PCDHA8: variants seen among roughly 807,000 people sequenced by gnomAD.
PCDHA8 encodes protocadherin alpha 8, also known as protocadherin alpha-8.
In PCDHA8, 53 loss-of-function variants were observed where a neutral mutation model predicts 61.8. The ratio of observed to expected loss-of-function variants is 0.86; its 90% CI spans 0.69 to 1.08. The LOEUF (loss-of-function observed/expected upper bound fraction) is 1.08. Among genes scored for constraint, PCDHA8 ranks in the 50% least tolerant of loss-of-function variants. The pLI is 0.00. For synonymous variants in PCDHA8, 618 were observed against 556.6 expected, an observed-to-expected ratio of 1.11 and a Z score of -1.55; for missense variants, 1,293 against 1,245.0, an observed-to-expected ratio of 1.04 and a Z score of -0.58.
chr5:140,927,277 G>T, intron 1 of PCDHA8: 1 of 1,614,016 alleles, frequency 6.2e-7, no homozygotes, highest in Non-Finnish European at 8.5e-7. Context: ...TGCCGGCGAC[G>T]TGCAGCTGCA....
intron 1 of PCDHA8, among the ~76,000 whole-genome samples, chr5:140,958,752 T>A (rs1423879082): frequency 6.6e-6 from 1 of 152,166 alleles, no homozygotes; most frequent in Non-Finnish European, 1.5e-5. Context: ...AAAGGAGATT[T>A]TTACCCATTT....
At position 140,886,151 on chromosome 5, in the gene PCDHA8, T is replaced by G. The variant is rs184205776; in HGVS notation, c.2394+42436T>G. Reference sequence around the variant, plus strand: ...ACAACCAGATTCTTGATATCACCTTTTTATAGCCACATCTGCTTCCCTGCC... The same window carrying G: ...ACAACCAGATTCTTGATATCACCTTGTTATAGCCACATCTGCTTCCCTGCC... On this transcript the variant is annotated intron_variant, in intron 1 of 3. Coordinates refer to ENST00000531613, the MANE Select transcript of PCDHA8 (RefSeq NM_018911.3). Among the ~76,000 whole-genome samples, 468 of 152,312 alleles carry G rather than the reference T, an allele frequency of 3.1e-3. 3 individuals are homozygous for G. Among genetic ancestry groups the G allele is most frequent in the Middle Eastern group, 0.014 (4 of 294 alleles).
intron 3 of PCDHA8, among the ~76,000 whole-genome samples, chr5:140,988,042 T>C (rs1365233473): frequency 1.3e-5 from 2 of 152,212 alleles, no homozygotes. Context: ...AGAATCTGTT[T>C]AGGAGCACTG....
chr5:140,852,885 ATTT>A, intron 1 of PCDHA8: 4 of 778,030 alleles, frequency 5.1e-6, no homozygotes, highest in Non-Finnish European at 6.3e-6. Flanking sequence ...CATAAAACGT[ATTT>A]TTTTTTTTGA....
chr5:140,927,995 AC>A, intron 1 of PCDHA8: 5 of 1,614,042 alleles, frequency 3.1e-6, no homozygotes, highest in Non-Finnish European at 4.2e-6. Flanking sequence ...AAGGATGAAG[AC>A]CTCGATTCTA....
At chr5:140,871,305 G>T in intron 1 of PCDHA8, 14 of 1,613,992 alleles carry the variant, frequency 8.7e-6, no homozygotes, top group Non-Finnish European at 1.1e-5. Context: ...GCGCGCCGGG[G>T]AAGCCCACGC....
intron 1 of PCDHA8, among the ~76,000 whole-genome samples, chr5:140,952,668 T>C (rs960968372): frequency 6.6e-6 from 1 of 152,234 alleles, no homozygotes. Context: ...CAAAGTCACT[T>C]TCACATTTTC....
chr5:140,871,688 G>C lies in PCDHA8; in HGVS notation c.2394+27973G>C, dbSNP rs868933304. On this transcript the variant is annotated intron_variant, in intron 1 of 3. Coordinates refer to ENST00000531613, the MANE Select transcript of PCDHA8 (RefSeq NM_018911.3). ...GTCTTTTAATCATATGAATAATCTG[G>C]CTTCTTTAACCAATAAATGTCCTAT... 1.9e-5 allele frequency: 20 copies of C among 1,060,782 alleles called. No homozygotes were observed. In the African/African-American group the frequency reaches 2.1e-4, roughly 11 times the overall value. The allele number at this position is 1,060,782 out of a possible 1,614,324, so 65.7% of individuals were successfully genotyped here. A position where few individuals can be genotyped will look rare whatever the true frequency, so the allele number is the denominator to read the frequency against.
At chr5:140,943,376 C>G (rs2093486935) in intron 1 of PCDHA8, among the ~76,000 whole-genome samples, 1 of 150,084 alleles carries the variant, frequency 6.7e-6, no homozygotes, top group Non-Finnish European at 1.5e-5. Flanking sequence ...TTAAAATATA[C>G]AGGTAAGAAA....
At chr5:140,868,550 T>A (rs2050522684) in intron 1 of PCDHA8, 1 of 152,704 alleles carries the variant, frequency 6.5e-6, no homozygotes, top group South Asian at 2.1e-4. Flanking sequence ...AATTTGATAG[T>A]ATTTTTATAT....
rs556197231 is a variant in PCDHA8, at chr5:140,969,709, A to C, written c.2395-9240A>C. The stretch of plus-strand genomic sequence containing the variant: ...AAATGGCCTCTGCTGTATCATCTAC[A>C]GGGAAATTTTTCTTTTGAAATCCTA... On this transcript the variant is annotated intron_variant, in intron 1 of 3. Transcript: ENST00000531613. Among the ~76,000 whole-genome samples, 11 of 152,304 alleles carry C rather than the reference A, an allele frequency of 7.2e-5. No individual in the cohort carries two copies. The East Asian group carries it at 1.5e-3, about 21-fold the overall frequency.
chr5:140,841,779 C>T lies in PCDHA8; in HGVS notation c.458C>T (p.Pro153Leu). 6.2e-7 allele frequency: 1 copy of T among 1,613,838 alleles called. No homozygotes were observed. Among genetic ancestry groups the T allele is most frequent in the Non-Finnish European group, 8.5e-7 (1 of 1,179,860 alleles). ...TCCAGAATGCCAGACTCTCGGTTTC[C>T]GCTAGAGGGCGCGTCCGATGCAGAT... Reference protein sequence around the residue: ...SESRMPDSRFPLEGASDADVG... With the variant: ...SESRMPDSRFLLEGASDADVG... Residue 153 changes from proline to leucine, a missense_variant, in exon 1 of 4, where the codon CCG (proline) becomes CTG (leucine). Transcript: ENST00000531613.
At chr5:140,877,340 A>G (rs782755927) in intron 1 of PCDHA8, 9 of 1,613,820 alleles carry the variant, frequency 5.6e-6, no homozygotes, top group Admixed American at 1.7e-5. Context: ...ATCCCGTTCC[A>G]CGTGGGGCTG....
chr5:140,960,886 A>G (rs1161636963), intron 1 of PCDHA8, among the ~76,000 whole-genome samples: 1 of 152,198 alleles, frequency 6.6e-6, no homozygotes, highest in African/African-American at 2.4e-5. Context: ...CACACTAATG[A>G]ATTTGGGGCA....
intron 1 of PCDHA8, among the ~76,000 whole-genome samples, chr5:140,891,690 C>T (rs12518591): frequency 0.01 from 1,559 of 152,280 alleles, 92 homozygotes; most frequent in Admixed American, 0.092. Context: ...TCTCTTCTTG[C>T]TGTTGTCTGA....
intron 1 of PCDHA8, among the ~76,000 whole-genome samples, chr5:140,960,222 A>G (rs1364451029): frequency 2.6e-5 from 4 of 152,206 alleles, no homozygotes; most frequent in African/African-American, 9.6e-5. Flanking sequence ...ATCTCAAGAA[A>G]CAGAGCCATG....
chr5:140,967,997 C>T (rs551685820), intron 1 of PCDHA8: 1 of 1,614,102 alleles, frequency 6.2e-7, no homozygotes, highest in Non-Finnish European at 8.5e-7. Flanking sequence ...ACTGCCTTTC[C>T]GACTGAATGG....
rs1354024446 is a variant in PCDHA8 at position 140,846,271 on chromosome 5, C to G, written c.2394+2556C>G. Among the ~76,000 whole-genome samples the G allele has an allele frequency of 2.0e-5, 3 of 148,444 alleles. 1 individual carries two copies. The highest frequency in any genetic ancestry group is 3.0e-5 in the Non-Finnish European group (2 of 66,608). Reference sequence around the variant, plus strand: ...TAATGTTTTGATGATGATTTAAAGTCAATTTATGTTGTAGTTCTATGAATT... The same window carrying G: ...TAATGTTTTGATGATGATTTAAAGTGAATTTATGTTGTAGTTCTATGAATT... On this transcript the variant is annotated intron_variant, in intron 1 of 3. Coordinates refer to ENST00000531613, the MANE Select transcript of PCDHA8 (RefSeq NM_018911.3).
rs148067258 is a variant in PCDHA8 at position 140,850,948 on chromosome 5, G to A, written c.2394+7233G>A. The A allele has an allele frequency of 9.7e-3, 14,493 of 1,499,630 alleles. 1,246 individuals are homozygous for A. Among genetic ancestry groups the A allele is most frequent in the Non-Finnish European group, 0.01 (11,557 of 1,116,880 alleles). The allele number at this position is 1,499,630 out of a possible 1,614,324, so 92.9% of individuals were successfully genotyped here. On this transcript the variant is annotated intron_variant, in intron 1 of 3. Coordinates refer to ENST00000531613, the MANE Select transcript of PCDHA8 (RefSeq NM_018911.3). The stretch of plus-strand genomic sequence containing the variant: ...ATTTTTTTTCTTGAAAGATATTATC[G>A]ATTACTCCCAGGGGCCGTTCAAATA...
Sources: allele counts gnomAD v4.1 joint callset (sites outside exome capture counted in the v4.1 genomes callset), GRCh38; gene constraint gnomAD v4.1.1; transcripts MANE v1.5; gene names NCBI Gene and HGNC (gene_info 2026-07-23, HGNC 2026-07-21).